Variants in BCAR3 observed in about 807,000 individuals in gnomAD.
The protein encoded by BCAR3 is BCAR3 adaptor protein, NSP family member, also known as breast cancer anti-estrogen resistance protein 3.
Under a neutral mutation model 80.1 loss-of-function variants are expected in BCAR3, and 37 were observed. The observed-to-expected ratio is 0.46, with a 90% CI of 0.36 to 0.61. The LOEUF (loss-of-function observed/expected upper bound fraction) is 0.61, where lower values mean the gene tolerates loss of function less well. Among genes scored for constraint, BCAR3 ranks in the 20% least tolerant of loss-of-function variants. The pLI, the probability that BCAR3 is intolerant of heterozygous loss-of-function variation, is 0.00. For synonymous variants in BCAR3, 389 were observed against 418.9 expected (o/e 0.93, Z 0.87); for missense variants, 978 against 1,068.2 (o/e 0.92, Z 1.18).
Position 93,562,395 on chromosome 1 carries a change from T to C in BCAR3, c.2324A>G (p.Asn775Ser), listed in dbSNP as rs1358716358. The change falls in exon 12 of 12, where the codon AAT becomes AGT. Residue 775 changes from asparagine to serine, a missense_variant. By Grantham distance (46) the Asn-to-Ser change is conservative. Coordinates refer to ENST00000260502, the MANE Select transcript of BCAR3 (RefSeq NM_003567.4). ...LAGFQPDEEM[N>S]EICKTEFQMR... The stretch of plus-strand genomic sequence containing the variant: ...TTGAAATTCAGTCTTGCAGATTTCA[T>C]TCATTTCTTCATCTGGTTGAAAACC... 1.9e-6 allele frequency: 3 copies of C among 1,613,828 alleles called. No individual in the cohort carries two copies. The highest frequency in any genetic ancestry group is 1.7e-5 in the Admixed American group (1 of 59,984).
At chr1:93,721,817 C>T (rs1287834847) in intron 2 of BCAR3, among the ~76,000 whole-genome samples, 1 of 152,218 alleles carries the variant, frequency 6.6e-6, no homozygotes, top group Non-Finnish European at 1.5e-5. Context: ...AAGGGTTCCT[C>T]AGGTCCGAAT....
At chr1:93,813,411 G>T (rs1653913453) in intron 2 of BCAR3, among the ~76,000 whole-genome samples, 1 of 152,000 alleles carries the variant, frequency 6.6e-6, no homozygotes, top group African/African-American at 2.4e-5. Context: ...ACTCAAATCG[G>T]GTGTGGCTAC....
intron 2 of BCAR3, among the ~76,000 whole-genome samples, chr1:93,773,684 T>C (rs1652438081): frequency 6.6e-6 from 1 of 152,212 alleles, no homozygotes; most frequent in African/African-American, 2.4e-5. Context: ...GAATCAGCAG[T>C]GAACTGTGTC....
At chr1:93,758,636 A>T (rs1173434380) in intron 2 of BCAR3, among the ~76,000 whole-genome samples, 1 of 152,212 alleles carries the variant, frequency 6.6e-6, no homozygotes, top group Non-Finnish European at 1.5e-5. Flanking sequence ...ACTCATAGGC[A>T]CTGGGTGAGG....
At chr1:93,693,599 A>C (rs1020804473) in intron 3 of BCAR3, among the ~76,000 whole-genome samples, 3 of 152,218 alleles carry the variant, frequency 2.0e-5, no homozygotes, top group African/African-American at 4.8e-5. Flanking sequence ...TATATTGATG[A>C]TGAACACATA....
chr1:93,664,409 G>A (rs925153904), intron 2 of BCAR3, among the ~76,000 whole-genome samples: 7 of 152,240 alleles, frequency 4.6e-5, no homozygotes, highest in East Asian at 1.9e-4. Flanking sequence ...GTGAGCCACC[G>A]CGCCTGGCCC....
intron 2 of BCAR3, among the ~76,000 whole-genome samples, chr1:93,751,367 T>A (rs991635538): frequency 1.3e-5 from 2 of 152,152 alleles, no homozygotes; most frequent in African/African-American, 4.8e-5. Context: ...TTGGTTCCCC[T>A]GGTTCCTCTC....
chr1:93,617,240 G>C (rs1164411191), intron 3 of BCAR3, among the ~76,000 whole-genome samples: 1 of 152,204 alleles, frequency 6.6e-6, no homozygotes, highest in Non-Finnish European at 1.5e-5. Flanking sequence ...CACGGTCCCT[G>C]CTAGAAGATC....
intron 2 of BCAR3, among the ~76,000 whole-genome samples, chr1:93,769,397 GTGTGTGTGTGTC>G (rs1652275159): frequency 6.6e-6 from 1 of 150,906 alleles, no homozygotes; most frequent in African/African-American, 2.4e-5. Flanking sequence ...GTGTGTGTGT[GTGTGTGTGTGTC>G]AAGGAGCGGG....
chr1:93,620,072 A>G (rs1402673208), intron 3 of BCAR3, among the ~76,000 whole-genome samples: 3 of 152,150 alleles, frequency 2.0e-5, no homozygotes, highest in Non-Finnish European at 2.9e-5. Context: ...AAGAAGGGAC[A>G]ACAAACCCCA....
At chr1:93,620,996 C>T (rs1675289403) in intron 3 of BCAR3, among the ~76,000 whole-genome samples, 1 of 152,186 alleles carries the variant, frequency 6.6e-6, no homozygotes, top group African/African-American at 2.4e-5. Context: ...GAAAGGCTGC[C>T]AAGTGGCTGA....
intron 2 of BCAR3, among the ~76,000 whole-genome samples, chr1:93,798,312 C>T (rs889953119): frequency 2.0e-5 from 3 of 152,202 alleles, no homozygotes; most frequent in South Asian, 2.1e-4. Flanking sequence ...ACATGGCCAT[C>T]TCTACAGTTT....
At chr1:93,737,928 G>A (rs910235656) in intron 2 of BCAR3, among the ~76,000 whole-genome samples, 1 of 152,176 alleles carries the variant, frequency 6.6e-6, no homozygotes, top group African/African-American at 2.4e-5. Context: ...GAAATCCTGG[G>A]CTCAGGTGAT....
intron 3 of BCAR3, among the ~76,000 whole-genome samples, chr1:93,595,481 A>G (rs1220376605): frequency 2.6e-5 from 4 of 152,198 alleles, no homozygotes; most frequent in African/African-American, 9.7e-5. Context: ...GATGTGGACA[A>G]TGTCTCCCAG....
chr1:93,739,814 C>T (rs780002951), intron 2 of BCAR3, among the ~76,000 whole-genome samples: 2 of 152,056 alleles, frequency 1.3e-5, no homozygotes, highest in Non-Finnish European at 2.9e-5. Context: ...GCGGGTGGAT[C>T]ACCTGAGGTC....
chr1:93,564,413 A>C (rs1293796650), intron 11 of BCAR3, among the ~76,000 whole-genome samples: 1 of 148,506 alleles, frequency 6.7e-6, no homozygotes, highest in Admixed American at 6.8e-5. Context: ...CGAGTAGCTG[A>C]GATTACAGGC....
chr1:93,621,194 T>A (rs987184010), intron 3 of BCAR3, among the ~76,000 whole-genome samples: 2 of 152,236 alleles, frequency 1.3e-5, no homozygotes, highest in African/African-American at 2.4e-5. Flanking sequence ...ACAAAATATT[T>A]CAGTGGGAAA....
chr1:93,775,196 C>A (rs981860953), intron 2 of BCAR3: 6 of 152,246 alleles, frequency 3.9e-5, no homozygotes, highest in African/African-American at 1.4e-4. Context: ...TGTGAACTTA[C>A]CTAACGACCA....
intron 2 of BCAR3, among the ~76,000 whole-genome samples, chr1:93,782,442 C>T (rs1253783853): frequency 6.6e-6 from 1 of 152,230 alleles, no homozygotes; most frequent in Non-Finnish European, 1.5e-5. Flanking sequence ...ACATCTTCAG[C>T]AGTGCTGATA....
Sources: allele counts gnomAD v4.1 joint callset (sites outside exome capture counted in the v4.1 genomes callset), GRCh38; gene constraint gnomAD v4.1.1; transcripts MANE v1.5; gene names NCBI Gene and HGNC (gene_info 2026-07-23, HGNC 2026-07-21).